The following ZNF718 variants were observed in gnomAD, a reference collection of about 807,000 sequenced individuals.
The protein encoded by ZNF718 is zinc finger protein 718.
A neutral mutation model predicts 2.6 loss-of-function variants in ZNF718; 3 were observed. The ratio of observed to expected loss-of-function variants is 1.16; its 90% CI spans 0.53 to 3.01. The LOEUF (loss-of-function observed/expected upper bound fraction) is 3.01, where lower values mean the gene tolerates loss of function less well. Ranked by LOEUF, ZNF718 falls within the 30% of genes most tolerant of loss-of-function variation. The probability of loss-of-function intolerance (pLI) is 0.03; values close to 1 mark genes in which losing one functional copy is unlikely to be tolerated. For missense variants in ZNF718, 468 were observed against 230.0 expected (o/e 2.03, Z -6.69); for synonymous variants, 135 against 77.9 (o/e 1.73, Z -3.86).
At chr4:174,060 A>G (rs1317928446) in intron 3 of ZNF718, among the ~76,000 whole-genome samples, 3 of 152,090 alleles carry the variant, frequency 2.0e-5, no homozygotes, top group African/African-American at 7.2e-5. Flanking sequence ...CAGTTTTAGG[A>G]CAACATGAAT....
intron 3 of ZNF718, among the ~76,000 whole-genome samples, chr4:149,480 A>G (rs1553812130): frequency 6.6e-6 from 1 of 152,150 alleles, no homozygotes; most frequent in African/African-American, 2.4e-5. Context: ...TTTTTCATGT[A>G]GATACTCCTT....
In ZNF718 at chr4:162,107, T is replaced by A. The variant is rs1553815620; in HGVS notation, c.1422T>A (p.Thr474=). 2 of 737,164 alleles carry A rather than the reference T, an allele frequency of 2.7e-6. No individual in the cohort carries two copies. Among genetic ancestry groups the A allele is most frequent in the Non-Finnish European group, 2.5e-6 (1 of 400,176 alleles). 45.7% of individuals were successfully genotyped at this position (737,164 alleles called of 1,614,324 possible). Residue 474 remains threonine, a synonymous_variant, in exon 4 of 4, where the codon ACT becomes ACA. Coordinates refer to ENST00000510175, the MANE Select transcript of ZNF718 (RefSeq NM_001039127.6). ...SNLPQHKRTH[T]GGKF is the part of the protein sequence containing the mutation. ...TTCCTCAACATAAGAGAACTCATAC[T>A]GGAGGAAAATTTTAGAAATGTGAAG...
At chr4:169,731 G>A (rs61794963) in intron 3 of ZNF718, among the ~76,000 whole-genome samples, 2,582 of 151,864 alleles carry the variant, frequency 0.017, 45 homozygotes, top group African/African-American at 0.041. Flanking sequence ...TATTTTGAGC[G>A]TATGTGTGCC....
chr4:134,590 G>C (rs1715478226), intron 3 of ZNF718, among the ~76,000 whole-genome samples: 1 of 151,984 alleles, frequency 6.6e-6, no homozygotes, highest in Non-Finnish European at 1.5e-5. Flanking sequence ...TATTCTAATG[G>C]AATATTTTTC....
intron 3 of ZNF718, among the ~76,000 whole-genome samples, chr4:177,512 T>G (rs1054915258): frequency 2.6e-5 from 4 of 152,166 alleles, no homozygotes; most frequent in African/African-American, 4.8e-5. Flanking sequence ...ACATCTCATT[T>G]TGTTGGGATC....
downstream of ZNF718, among the ~76,000 whole-genome samples, chr4:167,692 A>T (rs1553817162): frequency 2.6e-5 from 4 of 152,112 alleles, no homozygotes; most frequent in Non-Finnish European, 1.5e-5. Context: ...ATTTTTGCAC[A>T]TTGATTTTGT....
At chr4:170,330 A>C (rs1044210901) in intron 3 of ZNF718, among the ~76,000 whole-genome samples, 2 of 151,894 alleles carry the variant, frequency 1.3e-5, no homozygotes, top group Non-Finnish European at 2.9e-5. Flanking sequence ...TGTGTCTTGG[A>C]GTTGCTCCTC....
chr4:126,729 C>T (rs968501333), intron 1 of ZNF718, among the ~76,000 whole-genome samples: 2 of 151,940 alleles, frequency 1.3e-5, no homozygotes, highest in Non-Finnish European at 2.9e-5. Flanking sequence ...AGTAGATTGC[C>T]TGTGATGCAC....
intron 3 of ZNF718, among the ~76,000 whole-genome samples, chr4:134,272 A>G (rs895734415): frequency 1.4e-4 from 22 of 152,118 alleles, no homozygotes; most frequent in African/African-American, 5.3e-4. Flanking sequence ...TCAGCCTCCC[A>G]AGTAGCTGGG....
intron 3 of ZNF718, among the ~76,000 whole-genome samples, chr4:173,922 G>A (rs1031262845): frequency 1.3e-5 from 2 of 152,132 alleles, no homozygotes; most frequent in South Asian, 2.1e-4. Context: ...ATTGATGCTC[G>A]CATTTGTTTA....
At chr4:194,765 A>G (rs1435125009) in intron 3 of ZNF718, among the ~76,000 whole-genome samples, 1 of 152,216 alleles carries the variant, frequency 6.6e-6, no homozygotes, top group East Asian at 1.9e-4. Context: ...GACTGGGCCA[A>G]ATTCTCCAGA....
intron 3 of ZNF718, among the ~76,000 whole-genome samples, chr4:199,306 T>C (rs1272546945): frequency 6.6e-6 from 1 of 152,226 alleles, no homozygotes; most frequent in Non-Finnish European, 1.5e-5. Context: ...AATGAGCTTC[T>C]CCCATTCCCC....
At chr4:168,385 T>C (rs904587995), downstream of ZNF718, among the ~76,000 whole-genome samples, 3 of 152,202 alleles carry the variant, frequency 2.0e-5, no homozygotes, top group Non-Finnish European at 4.4e-5. Context: ...TAGGGAGGAT[T>C]CCCTCTTTTT....
At chr4:153,415 A>C (rs1716423501) in intron 3 of ZNF718, among the ~76,000 whole-genome samples, 1 of 152,128 alleles carries the variant, frequency 6.6e-6, no homozygotes, top group Non-Finnish European at 1.5e-5. Flanking sequence ...GTAGTTCCCT[A>C]TAACGTTTAA....
At position 161,072 on chromosome 4, in the gene ZNF718, T is replaced by G; in HGVS notation, c.387T>G (p.Asn129Lys). Residue 129 changes from asparagine to lysine, a missense_variant, in exon 4 of 4, where the codon AAT becomes AAG. By Grantham distance (94) the Asn-to-Lys change is moderately conservative. Coordinates refer to ENST00000510175, the MANE Select transcript of ZNF718 (RefSeq NM_001039127.6). ...NECKVQKGGY[N>K]RINQCLLTTQ... Reference sequence around the variant, plus strand: ...GTAAGGTGCAGAAAGGTGGTTATAATAGAATTAACCAATGCTTATTAACTA... The same window carrying G: ...GTAAGGTGCAGAAAGGTGGTTATAAGAGAATTAACCAATGCTTATTAACTA... 1.3e-6 allele frequency: 1 copy of G among 778,692 alleles called. No individual in the cohort carries two copies. Among genetic ancestry groups the G allele is most frequent in the Non-Finnish European group, 2.4e-6 (1 of 416,740 alleles). The allele number at this position is 778,692 out of a possible 1,614,324, so 48.2% of individuals were successfully genotyped here. A position where few individuals can be genotyped will look rare whatever the true frequency, so the allele number is the denominator to read the frequency against.
intron 3 of ZNF718, among the ~76,000 whole-genome samples, chr4:173,795 A>G (rs1436396430): frequency 1.3e-5 from 2 of 152,184 alleles, no homozygotes; most frequent in Non-Finnish European, 2.9e-5. Context: ...TCCATCCCAC[A>G]GAATTTGGCT....
At chr4:183,871 A>G (rs1553820153) in intron 3 of ZNF718, among the ~76,000 whole-genome samples, 9 of 152,038 alleles carry the variant, frequency 5.9e-5, no homozygotes. Context: ...ATCCTGAGAC[A>G]CTGCTGAAGT....
At chr4:183,861 A>G (rs1717514299) in intron 3 of ZNF718, among the ~76,000 whole-genome samples, 1 of 151,678 alleles carries the variant, frequency 6.6e-6, no homozygotes, top group Non-Finnish European at 1.5e-5. Context: ...TTGTTTTTGT[A>G]TCCTGAGACA....
At position 163,728 on chromosome 4, in the gene ZNF718, A is replaced by T. The variant is rs1364508253; in HGVS notation, c.*1606A>T. 1 of 152,168 alleles carries T rather than the reference A, an allele frequency of 6.6e-6. No homozygotes were observed. The highest frequency in any genetic ancestry group is 1.5e-5 in the Non-Finnish European group (1 of 68,012). The allele number at this position is 152,168 out of a possible 1,614,324, so 9.4% of individuals were successfully genotyped here. The stretch of plus-strand genomic sequence containing the variant: ...GTGAACCTTACTCAAGGGTGTAGGT[A>T]AAAAATGGTAACAGTATACTTTTAG... On this transcript the variant is annotated 3_prime_UTR_variant, in exon 4 of 4. Coordinates refer to ENST00000510175, the MANE Select transcript of ZNF718 (RefSeq NM_001039127.6).
Sources: allele counts gnomAD v4.1 joint callset (sites outside exome capture counted in the v4.1 genomes callset), GRCh38; gene constraint gnomAD v4.1.1; transcripts MANE v1.5; gene names NCBI Gene and HGNC (gene_info 2026-07-23, HGNC 2026-07-21).